The following LUC7L2 variants were observed in gnomAD, a reference collection of about 807,000 sequenced individuals.
LUC7L2 encodes the protein putative RNA-binding protein Luc7-like 2.
Under a neutral mutation model 52.8 loss-of-function variants are expected in LUC7L2, and 25 were observed. That is an observed-to-expected ratio of 0.47 (90% CI 0.34 to 0.66). The LOEUF (loss-of-function observed/expected upper bound fraction) is 0.66, where lower values mean the gene tolerates loss of function less well. Among genes scored for constraint, LUC7L2 ranks in the 30% least tolerant of loss-of-function variants. The pLI, the probability that LUC7L2 is intolerant of heterozygous loss-of-function variation, is 0.01. For missense variants in LUC7L2, 328 were observed against 497.8 expected (o/e 0.66, Z 3.25); for synonymous variants, 144 against 160.9 (o/e 0.89, Z 0.80).
chr7:139,393,164 G>A (rs1794518452), intron 2 of LUC7L2, among the ~76,000 whole-genome samples: 1 of 152,030 alleles, frequency 6.6e-6, no homozygotes, highest in African/African-American at 2.4e-5. Context: ...CTAGTAGGGA[G>A]GCCGAGGCAG....
In LUC7L2 at chr7:139,361,208, A is replaced by G. The variant is rs1398844698; in HGVS notation, c.61+886A>G. On this transcript the variant is annotated intron_variant, in intron 1 of 9. Coordinates refer to ENST00000354926, the MANE Select transcript of LUC7L2 (RefSeq NM_016019.5). ...ATGTTAATTAGTAATGTACTCTCAA[A>G]TTCAACTTAAATACATTCAAATATG... Among the ~76,000 whole-genome samples the G allele has an allele frequency of 4.6e-5, 7 of 152,372 alleles. No homozygotes were observed. In the East Asian group the frequency reaches 1.3e-3, roughly 29 times the overall value.
intron 2 of LUC7L2, among the ~76,000 whole-genome samples, chr7:139,391,180 T>G (rs1240916587): frequency 6.6e-6 from 1 of 152,244 alleles, no homozygotes; most frequent in Non-Finnish European, 1.5e-5. Context: ...CTGTTTTTGG[T>G]GTACACTGTG....
chr7:139,420,872 C>T (rs1232530646), intron 9 of LUC7L2, among the ~76,000 whole-genome samples: 1 of 152,160 alleles, frequency 6.6e-6, no homozygotes, highest in Non-Finnish European at 1.5e-5. Context: ...GATCTGGGCT[C>T]ACTGCAGCCT....
upstream of LUC7L2, among the ~76,000 whole-genome samples, chr7:139,358,425 T>G (rs1799688327): frequency 6.6e-6 from 1 of 152,244 alleles, no homozygotes; most frequent in Non-Finnish European, 1.5e-5. Flanking sequence ...AAATCTCTAT[T>G]ATTTCCTTTC....
intron 4 of LUC7L2, among the ~76,000 whole-genome samples, chr7:139,404,149 A>G (rs11981688): frequency 0.18 from 27,985 of 152,178 alleles, 2,650 homozygotes; most frequent in Middle Eastern, 0.28. Flanking sequence ...GTTGAAGGAT[A>G]TTTGAGAAGT....
upstream of LUC7L2, among the ~76,000 whole-genome samples, chr7:139,357,910 T>C (rs1053369091): frequency 1.3e-5 from 2 of 152,042 alleles, no homozygotes; most frequent in African/African-American, 4.8e-5. Context: ...CAGGCTGGTC[T>C]CAAACTCCCG....
chr7:139,378,974 C>T (rs777595858), intron 2 of LUC7L2, among the ~76,000 whole-genome samples: 1 of 152,134 alleles, frequency 6.6e-6, no homozygotes, highest in African/African-American at 2.4e-5. Context: ...TTTTATGATG[C>T]TTTTTCTTTG....
intron 1 of LUC7L2, among the ~76,000 whole-genome samples, chr7:139,348,579 C>G (rs979244352): frequency 6.6e-6 from 1 of 150,950 alleles, no homozygotes; most frequent in Non-Finnish European, 1.5e-5. Flanking sequence ...ATTAGCTGGA[C>G]TTAGTGGTGT....
chr7:139,402,385 C>G, intron 4 of LUC7L2, 138 bp downstream of exon 4: 1 of 762,954 alleles, frequency 1.3e-6, no homozygotes, highest in South Asian at 2.1e-5. Flanking sequence ...TTGTCTGCCC[C>G]AGTGTAAACA....
rs797010906 is a variant in LUC7L2, at chr7:139,398,583, C to A, written c.157-16C>A. 15 of 1,583,718 alleles carry A rather than the reference C, an allele frequency of 9.5e-6. No individual in the cohort carries two copies. Among genetic ancestry groups the A allele is most frequent in the Non-Finnish European group, 1.2e-5 (14 of 1,170,534 alleles). ...ACTTTTTTTTGTTTTAATATTATGT[C>A]TTTTTTCCCTTCCAGAGAATGGATC... is the stretch of plus-strand genomic sequence containing the variant. On this transcript the variant is annotated splice_polypyrimidine_tract_variant and intron_variant, in intron 2 of 9. Transcript: ENST00000354926.
intron 2 of LUC7L2, chr7:139,392,440 A>T (rs1002118123): frequency 7.5e-6 from 3 of 399,906 alleles, no homozygotes; most frequent in African/African-American, 4.2e-5. Flanking sequence ...TAGTAAAACA[A>T]TATAAAATGC....
chr7:139,380,783 C>T (rs1196431344), intron 2 of LUC7L2, among the ~76,000 whole-genome samples: 11 of 151,912 alleles, frequency 7.2e-5, no homozygotes, highest in Admixed American at 6.6e-4. Flanking sequence ...CATTTTTTTC[C>T]TCAACACATT....
chr7:139,358,969 CCGCGCCCGG>C (rs1344883465), upstream of LUC7L2: 15 of 152,366 alleles, frequency 9.8e-5, no homozygotes, highest in African/African-American at 3.6e-4. Context: ...GCGTGAGCCA[CCGCGCCCGG>C]CAAGGAATTA....
intron 2 of LUC7L2, among the ~76,000 whole-genome samples, chr7:139,389,861 G>A (rs150733837): frequency 2.6e-5 from 4 of 152,306 alleles, no homozygotes; most frequent in African/African-American, 9.6e-5. Context: ...CCTGCCTTCA[G>A]AGTGCTTTTA....
chr7:139,387,449 G>A (rs1048440730), intron 2 of LUC7L2, among the ~76,000 whole-genome samples: 1 of 152,024 alleles, frequency 6.6e-6, no homozygotes, highest in Non-Finnish European at 1.5e-5. Flanking sequence ...CAAAGTGCTG[G>A]GATTACAGGT....
chr7:139,367,616 C>G (rs1038112572), intron 1 of LUC7L2, among the ~76,000 whole-genome samples: 1 of 152,154 alleles, frequency 6.6e-6, no homozygotes, highest in African/African-American at 2.4e-5. Flanking sequence ...AAATCTCATA[C>G]TTTGGAAATT....
At chr7:139,393,064 T>C (rs903759805) in intron 2 of LUC7L2, among the ~76,000 whole-genome samples, 1 of 151,868 alleles carries the variant, frequency 6.6e-6, no homozygotes, top group African/African-American at 2.4e-5. Flanking sequence ...GTGAAGAGTT[T>C]TAGACCAGCC....
intron 3 of LUC7L2, 87 bp downstream of exon 3, chr7:139,398,784 T>TG: frequency 4.0e-6 from 5 of 1,259,014 alleles, no homozygotes; most frequent in Non-Finnish European, 5.5e-6. Context: ...TAGGAAAAAC[T>TG]CTTAGCAGTT....
At chr7:139,399,449 A>ATTTTTTTTTTTTTTTTT (rs71169090) in intron 3 of LUC7L2, among the ~76,000 whole-genome samples, 7 of 50,458 alleles carry the variant, frequency 1.4e-4, no homozygotes, top group Non-Finnish European at 2.7e-4. Context: ...TGTTTGGGGG[A>ATTTTTTTTTTTTTTTTT]TTTTTTTTTT....
Sources: gnomAD v4.1 joint callset for allele counts (sites outside exome capture counted in the v4.1 genomes callset) on GRCh38, gnomAD v4.1.1 for gene constraint, MANE v1.5 for transcripts, NCBI Gene and HGNC (gene_info 2026-07-23, HGNC 2026-07-21) for gene names.